AGBL4: variants seen among roughly 807,000 people sequenced by gnomAD.
AGBL4 encodes the protein cytosolic carboxypeptidase 6.
A neutral mutation model predicts 66.4 loss-of-function variants in AGBL4; 58 were observed. That is an observed-to-expected ratio of 0.87 (90% confidence interval 0.71 to 1.09). The LOEUF (loss-of-function observed/expected upper bound fraction) is 1.09, where lower values mean the gene tolerates loss of function less well. AGBL4 is among the 50% of genes least tolerant of loss of function. AGBL4 has a pLI of 0.00. For missense variants in AGBL4, 579 were observed against 631.0 expected, an observed-to-expected ratio of 0.92 and a Z score of 0.88; for synonymous variants, 234 against 222.9, an observed-to-expected ratio of 1.05 and a Z score of -0.44.
intron 4 of AGBL4, among the ~76,000 whole-genome samples, chr1:49,244,633 C>T (rs1266106073): frequency 1.3e-5 from 2 of 151,778 alleles, no homozygotes; most frequent in Non-Finnish European, 3.0e-5. Context: ...ACTATCTTCT[C>T]ACTAGTCATT....
At chr1:49,890,162 A>T (rs1003206411) in intron 1 of AGBL4, among the ~76,000 whole-genome samples, 12 of 152,170 alleles carry the variant, frequency 7.9e-5, no homozygotes, top group Non-Finnish European at 1.2e-4. Context: ...ATAGTTCTTA[A>T]TTCCTTTATT....
chr1:49,062,768 A>C (rs988413393), intron 4 of AGBL4, among the ~76,000 whole-genome samples: 4 of 152,196 alleles, frequency 2.6e-5, no homozygotes, highest in Non-Finnish European at 5.9e-5. Flanking sequence ...AACTGGTTGA[A>C]ATGCTGATTC....
chr1:48,536,286 G>A (rs1304350862), intron 12 of AGBL4, among the ~76,000 whole-genome samples: 1 of 152,136 alleles, frequency 6.6e-6, no homozygotes, highest in Non-Finnish European at 1.5e-5. Flanking sequence ...CATAGGGCAC[G>A]AGGTGACAGA....
chr1:49,609,253 G>A (rs1295985177), intron 3 of AGBL4, among the ~76,000 whole-genome samples: 1 of 152,112 alleles, frequency 6.6e-6, no homozygotes, highest in Non-Finnish European at 1.5e-5. Flanking sequence ...AGCTTCCTGT[G>A]TTTTTCACTT....
At chr1:49,735,180 C>T (rs143426247) in intron 2 of AGBL4, among the ~76,000 whole-genome samples, 132 of 152,094 alleles carry the variant, frequency 8.7e-4, no homozygotes, top group African/African-American at 3.1e-3. Context: ...CAATACCAAA[C>T]GTTTTTTGCA....
rs563610217 is a variant in AGBL4 at position 49,555,855 on chromosome 1, A to C, written c.282+141458T>G. On this transcript the variant is annotated intron_variant, in intron 3 of 13. Transcript: ENST00000371839. The stretch of plus-strand genomic sequence containing the variant: ...TATCATCTCACACCAGTTAGAATGG[A>C]CATCATTAAAAAGTCAGGAAACAAC... Among the ~76,000 whole-genome samples, 247 of 152,178 alleles carry C rather than the reference A, an allele frequency of 1.6e-3. 2 individuals are homozygous for C. The South Asian group carries it at 0.021, about 13-fold the overall frequency.
intron 5 of AGBL4, among the ~76,000 whole-genome samples, chr1:48,960,236 G>A (rs1657851216): frequency 6.6e-6 from 1 of 152,120 alleles, no homozygotes; most frequent in African/African-American, 2.4e-5. Context: ...TTGGAAAAGA[G>A]AGAGAGGAAT....
intron 1 of AGBL4, among the ~76,000 whole-genome samples, chr1:49,946,274 A>G (rs979916624): frequency 2.0e-5 from 3 of 152,060 alleles, no homozygotes; most frequent in African/African-American, 7.2e-5. Context: ...TCATCATTGC[A>G]TGGAACTTTC....
chr1:49,730,944 C>T (rs1034907273), intron 2 of AGBL4, among the ~76,000 whole-genome samples: 6 of 152,146 alleles, frequency 3.9e-5, no homozygotes, highest in Admixed American at 1.3e-4. Flanking sequence ...CCATTTGTCC[C>T]TCCAGAGCCA....
At chr1:49,989,441 C>T (rs957640537) in intron 1 of AGBL4, among the ~76,000 whole-genome samples, 1 of 152,178 alleles carries the variant, frequency 6.6e-6, no homozygotes, top group Non-Finnish European at 1.5e-5. Flanking sequence ...GCTTTCACAG[C>T]TTAACATAGG....
chr1:49,589,488 CAG>C (rs941654650), intron 3 of AGBL4, among the ~76,000 whole-genome samples: 33 of 151,936 alleles, frequency 2.2e-4, no homozygotes, highest in African/African-American at 8.0e-4. Flanking sequence ...GACCAAAAAG[CAG>C]AGTGTTCACC....
At chr1:48,560,076 C>T (rs1300987412) in intron 11 of AGBL4, among the ~76,000 whole-genome samples, 1 of 152,132 alleles carries the variant, frequency 6.6e-6, no homozygotes, top group Admixed American at 6.5e-5. Flanking sequence ...TGAAACTTGT[C>T]CCTAGGACCC....
At chr1:49,544,510 C>G (rs1467866590) in intron 3 of AGBL4, among the ~76,000 whole-genome samples, 1 of 152,154 alleles carries the variant, frequency 6.6e-6, no homozygotes, top group Non-Finnish European at 1.5e-5. Context: ...TATAAAATCT[C>G]TAAAGAAAAT....
chr1:49,897,740 T>C lies in AGBL4; in HGVS notation c.35-46222A>G, dbSNP rs368433725. On this transcript the variant is annotated intron_variant, in intron 1 of 13. Coordinates refer to ENST00000371839, the MANE Select transcript of AGBL4 (RefSeq NM_032785.4). ...GATAGTAACTCAAACAGCATGATAA[T>C]AGCATAAAAAACAGCATGATAATAG... Among the ~76,000 whole-genome samples, 54 of 152,004 alleles carry C rather than the reference T, an allele frequency of 3.6e-4. 1 individual carries two copies. The South Asian group carries it at 9.5e-3, about 27-fold the overall frequency.
intron 6 of AGBL4, among the ~76,000 whole-genome samples, chr1:48,861,343 A>G (rs1321483604): frequency 6.6e-6 from 1 of 152,232 alleles, no homozygotes; most frequent in African/African-American, 2.4e-5. Context: ...GCAATATTTG[A>G]AGAGTTAATT....
chr1:49,191,684 C>T (rs1445029329), intron 4 of AGBL4, among the ~76,000 whole-genome samples: 1 of 152,184 alleles, frequency 6.6e-6, no homozygotes, highest in Non-Finnish European at 1.5e-5. Context: ...TCAATGTCTG[C>T]TCCCACTTAT....
chr1:49,372,717 CTCTT>C (rs1195276816), intron 3 of AGBL4, among the ~76,000 whole-genome samples: 22 of 143,170 alleles, frequency 1.5e-4, no homozygotes, highest in South Asian at 2.2e-4. Flanking sequence ...TTCTCTCTCT[CTCTT>C]TCTTTCTTTC....
intron 1 of AGBL4, among the ~76,000 whole-genome samples, chr1:49,881,124 G>T (rs539823724): frequency 1.3e-5 from 2 of 152,106 alleles, no homozygotes; most frequent in Non-Finnish European, 2.9e-5. Context: ...CGTCTTCTGC[G>T]TCGCTCACGC....
At chr1:49,503,865 G>A (rs1037099111) in intron 3 of AGBL4, among the ~76,000 whole-genome samples, 5 of 152,078 alleles carry the variant, frequency 3.3e-5, no homozygotes, top group Non-Finnish European at 5.9e-5. Flanking sequence ...TGTCTCAGAT[G>A]AGACTTTGGA....
Sources: allele counts gnomAD v4.1 joint callset (sites outside exome capture counted in the v4.1 genomes callset), GRCh38; gene constraint gnomAD v4.1.1; transcripts MANE v1.5; gene names NCBI Gene and HGNC (gene_info 2026-07-23, HGNC 2026-07-21).